The following ASCC3 variants were observed in gnomAD, a reference collection of about 807,000 sequenced individuals.
ASCC3 encodes ASC-1 complex subunit P200.
Under a neutral mutation model 256.3 loss-of-function variants are expected in ASCC3, and 158 were observed. The ratio of observed to expected loss-of-function variants is 0.62; its 90% CI spans 0.54 to 0.70. The LOEUF (loss-of-function observed/expected upper bound fraction) is 0.70. ASCC3 is among the 30% of genes least tolerant of loss of function. ASCC3 has a pLI of 0.00. For missense variants in ASCC3, 2,259 were observed against 2,626.0 expected (o/e 0.86, Z 3.05); for synonymous variants, 948 against 883.4 (o/e 1.07, Z -1.30).
chr6:100,843,127 A>G (rs1772224464), intron 4 of ASCC3, among the ~76,000 whole-genome samples: 14 of 152,218 alleles, frequency 9.2e-5, no homozygotes. Flanking sequence ...GTAATTTTTA[A>G]AAGTGCAAAA....
chr6:100,776,771 CTAAG>C (rs1782211645), intron 8 of ASCC3, among the ~76,000 whole-genome samples: 1 of 151,844 alleles, frequency 6.6e-6, no homozygotes, highest in Non-Finnish European at 1.5e-5. Context: ...AAAGCATTAA[CTAAG>C]TATCTAGGAT....
rs567678924 is a variant in ASCC3 at position 100,852,161 on chromosome 6, AT to A, written c.242-3455del. On this transcript the variant is annotated intron_variant, in intron 3 of 41. Transcript: ENST00000369162. ...ACTCAGTGTTTTTTGGGTGACTAAAATGTATGAAAAGTTTGTAAAATGTAGA... is the reference window on the plus strand; with the variant it reads ...ACTCAGTGTTTTTTGGGTGACTAAAAGTATGAAAAGTTTGTAAAATGTAGA... Among the ~76,000 whole-genome samples, 31 of 152,322 alleles carry A rather than the reference AT, an allele frequency of 2.0e-4. No individual in the cohort carries two copies. The East Asian group carries it at 3.9e-3, about 19-fold the overall frequency.
At chr6:100,679,085 G>A (rs1269764637) in intron 14 of ASCC3, among the ~76,000 whole-genome samples, 1 of 151,976 alleles carries the variant, frequency 6.6e-6, no homozygotes, top group Non-Finnish European at 1.5e-5. Flanking sequence ...GTCCGGGTTG[G>A]GGCCTAAAGG....
chr6:100,697,957 C>G (rs1054452238), intron 13 of ASCC3, among the ~76,000 whole-genome samples: 1 of 152,108 alleles, frequency 6.6e-6, no homozygotes, highest in Non-Finnish European at 1.5e-5. Flanking sequence ...TCCTAAACAT[C>G]ATTCGGAGAC....
chr6:100,738,170 T>C (rs1393795217), intron 10 of ASCC3, among the ~76,000 whole-genome samples: 6 of 152,196 alleles, frequency 3.9e-5, no homozygotes, highest in Admixed American at 2.6e-4. Context: ...CTGTAGGTTG[T>C]CCATTCACTC....
intron 5 of ASCC3, among the ~76,000 whole-genome samples, chr6:100,804,382 T>C (rs1770065368): frequency 6.6e-6 from 1 of 152,132 alleles, no homozygotes; most frequent in Non-Finnish European, 1.5e-5. Context: ...ATTACACTAC[T>C]ACCTGGCCCA....
intron 25 of ASCC3, among the ~76,000 whole-genome samples, chr6:100,633,422 G>A (rs1774658246): frequency 6.6e-6 from 1 of 151,948 alleles, no homozygotes; most frequent in African/African-American, 2.4e-5. Context: ...CTGGCAACTC[G>A]GATTTGCCAA....
chr6:100,644,172 C>T, intron 22 of ASCC3, 43 bp from the exon 23 acceptor site: 1 of 1,283,340 alleles, frequency 7.8e-7, no homozygotes, highest in Non-Finnish European at 1.1e-6. Context: ...TATCATAACT[C>T]AAATAAGGGA....
intron 36 of ASCC3, among the ~76,000 whole-genome samples, chr6:100,582,257 T>C (rs1418459331): frequency 6.6e-6 from 1 of 152,100 alleles, no homozygotes; most frequent in African/African-American, 2.4e-5. Flanking sequence ...CGTCTTTTAT[T>C]TCATTGAGCA....
chr6:100,699,429 A>G (rs1387861330), intron 13 of ASCC3, among the ~76,000 whole-genome samples: 1 of 152,178 alleles, frequency 6.6e-6, no homozygotes. Context: ...CTCCTCAGCC[A>G]TGTGGAACTG....
rs139409330 is a variant in ASCC3 at position 100,577,742 on chromosome 6, C to CCACA, written c.5550+11888_5550+11891dup. On this transcript the variant is annotated intron_variant, in intron 36 of 41. Coordinates refer to ENST00000369162, the MANE Select transcript of ASCC3 (RefSeq NM_006828.4). The stretch of plus-strand genomic sequence containing the variant: ...TGTGAACACACACACACCCACCCAC[C>CCACA]CACACACACACACACACTCTCTCAC... Among the ~76,000 whole-genome samples, 308 of 149,550 alleles carry CCACA rather than the reference C, an allele frequency of 2.1e-3. 3 individuals carry two copies. Among genetic ancestry groups the CCACA allele is most frequent in the African/African-American group, 6.7e-3 (276 of 41,068 alleles).
intron 13 of ASCC3, among the ~76,000 whole-genome samples, chr6:100,689,303 C>T (rs564612996): frequency 3.9e-5 from 6 of 152,292 alleles, no homozygotes; most frequent in Admixed American, 6.5e-5. Flanking sequence ...GTACAATACA[C>T]GTTATCTTAC....
chr6:100,642,315 A>G (rs1775163355), intron 24 of ASCC3, among the ~76,000 whole-genome samples: 1 of 152,078 alleles, frequency 6.6e-6, no homozygotes, highest in Admixed American at 6.6e-5. Context: ...AGATGGGGGG[A>G]AATTCCCCAT....
chr6:100,607,031 C>T lies in ASCC3; in HGVS notation c.4843G>A (p.Gly1615Arg), dbSNP rs376060065. Residue 1615 changes from glycine (G) to arginine (R), a missense_variant, in exon 31 of 42, where the codon GGG (glycine) becomes AGG (arginine). By Grantham distance (125) the Gly-to-Arg change is moderately radical. This residue lies in a region of ASCC3 where 1,839 missense variants were observed against 2,206.7 expected (regional missense o/e 0.83). Coordinates refer to ENST00000369162, the MANE Select transcript of ASCC3 (RefSeq NM_006828.4). Reference protein sequence around the residue: ...DSNLKLTLAFGIGMHHAGLHE... With the variant: ...DSNLKLTLAFRIGMHHAGLHE... ...AGTCCAGCATGATGCATTCCTATCC[C>T]GAAAGCAAGGGTCAGCTTGAGGTTG... 19 of 1,613,416 alleles carry T rather than the reference C, an allele frequency of 1.2e-5. No homozygotes were observed. The highest frequency in any genetic ancestry group is 1.6e-5 in the Non-Finnish European group (19 of 1,179,756).
In ASCC3 at chr6:100,864,060, A is replaced by G; in HGVS notation, c.241+4T>C. Reference sequence around the variant, plus strand: ...AAAAAAAAAAGAAAAAAAGAAAACTATACCTATCTGCTTTGCAGCATGTAA... The same window carrying G: ...AAAAAAAAAAGAAAAAAAGAAAACTGTACCTATCTGCTTTGCAGCATGTAA... On this transcript the variant is annotated splice_donor_region_variant and intron_variant, in intron 3 of 41. Transcript: ENST00000369162. 6.5e-7 allele frequency: 1 copy of G among 1,547,700 alleles called. No individual in the cohort carries two copies. Among genetic ancestry groups the G allele is most frequent in the Non-Finnish European group, 8.8e-7 (1 of 1,142,686 alleles).
chr6:100,654,012 T>C (rs1443441585), intron 17 of ASCC3, among the ~76,000 whole-genome samples: 1 of 152,058 alleles, frequency 6.6e-6, no homozygotes, highest in Non-Finnish European at 1.5e-5. Context: ...TGGCAGCTTA[T>C]TTATGTACAA....
intron 10 of ASCC3, among the ~76,000 whole-genome samples, chr6:100,756,521 C>T (rs1781187408): frequency 6.6e-6 from 1 of 152,050 alleles, no homozygotes; most frequent in African/African-American, 2.4e-5. Flanking sequence ...AACCTTCACT[C>T]AATAAAGTCA....
chr6:100,875,089 C>G (rs1773932518), intron 1 of ASCC3, among the ~76,000 whole-genome samples: 1 of 152,054 alleles, frequency 6.6e-6, no homozygotes, highest in Non-Finnish European at 1.5e-5. Context: ...GGTGAACTGT[C>G]AAGGTGGGGT....
chr6:100,547,994 C>A (rs1401752196), intron 36 of ASCC3, among the ~76,000 whole-genome samples: 3 of 149,278 alleles, frequency 2.0e-5, no homozygotes, highest in Non-Finnish European at 4.5e-5. Context: ...TTTGCCAGAA[C>A]ATGAATGAGT....
Sources: allele counts gnomAD v4.1 joint callset (sites outside exome capture counted in the v4.1 genomes callset), GRCh38; gene constraint gnomAD v4.1.1; regional missense constraint gnomAD v4.1.1; transcripts MANE v1.5; gene names NCBI Gene and HGNC (gene_info 2026-07-23, HGNC 2026-07-21).